SLX4IP: variants seen among roughly 807,000 people sequenced by gnomAD.
SLX4IP encodes protein SLX4IP.
A neutral mutation model predicts 32.9 loss-of-function variants in SLX4IP; 34 were observed. The ratio of observed to expected loss-of-function variants is 1.03; its 90% CI spans 0.79 to 1.38. The LOEUF (loss-of-function observed/expected upper bound fraction) is 1.38, where lower values mean the gene tolerates loss of function less well. SLX4IP is among the 40% of genes most tolerant of loss of function. SLX4IP has a pLI of 0.00. For synonymous variants in SLX4IP, 172 were observed against 171.7 expected (o/e 1.00, Z -0.01); for missense variants, 444 against 479.0 (o/e 0.93, Z 0.68).
At chr20:10,475,855 C>G (rs897125709) in intron 2 of SLX4IP, among the ~76,000 whole-genome samples, 1 of 152,218 alleles carries the variant, frequency 6.6e-6, no homozygotes, top group African/African-American at 2.4e-5. Context: ...TAGATTCCCC[C>G]AGAAGTTACA....
At chr20:10,562,344 T>A (rs1208259186) in intron 4 of SLX4IP, among the ~76,000 whole-genome samples, 1 of 152,046 alleles carries the variant, frequency 6.6e-6, no homozygotes, top group Non-Finnish European at 1.5e-5. Context: ...GGGAAGGTGG[T>A]CTTCCCCTGG....
chr20:10,493,722 A>G (rs1013620592), intron 2 of SLX4IP, among the ~76,000 whole-genome samples: 7 of 152,172 alleles, frequency 4.6e-5, no homozygotes, highest in Non-Finnish European at 1.0e-4. Flanking sequence ...AAGCCTTACT[A>G]TTAAGAGCAA....
intron 2 of SLX4IP, among the ~76,000 whole-genome samples, chr20:10,525,331 A>G (rs1393064779): frequency 1.3e-5 from 2 of 152,162 alleles, no homozygotes; most frequent in African/African-American, 4.8e-5. Context: ...TGATTTGCCA[A>G]TTTTGATGTT....
chr20:10,442,568 T>C (rs2065168340), intron 1 of SLX4IP, among the ~76,000 whole-genome samples: 1 of 152,278 alleles, frequency 6.6e-6, no homozygotes, highest in Non-Finnish European at 1.5e-5. Flanking sequence ...TTATATACTT[T>C]CAGATATTTG....
chr20:10,536,663 T>C (rs2066048170), intron 2 of SLX4IP, among the ~76,000 whole-genome samples: 1 of 152,252 alleles, frequency 6.6e-6, no homozygotes, highest in African/African-American at 2.4e-5. Context: ...GGTAAGGGGC[T>C]AATGCTACAA....
chr20:10,553,328 C>T (rs2066236398), intron 2 of SLX4IP, among the ~76,000 whole-genome samples: 1 of 152,142 alleles, frequency 6.6e-6, no homozygotes, highest in Non-Finnish European at 1.5e-5. Context: ...CCTTAATAAA[C>T]AAGGACATAC....
chr20:10,518,504 TCC>T (rs1568720373), intron 2 of SLX4IP, among the ~76,000 whole-genome samples: 3 of 92,176 alleles, frequency 3.3e-5, no homozygotes, highest in South Asian at 3.8e-4. Flanking sequence ...CTTCCTTCCT[TCC>T]TTCCTTCCTT....
intron 2 of SLX4IP, among the ~76,000 whole-genome samples, chr20:10,512,158 A>G (rs959369630): frequency 1.9e-4 from 29 of 152,336 alleles, no homozygotes; most frequent in African/African-American, 6.5e-4. Context: ...GACATAGGCA[A>G]TATGTAAACA....
chr20:10,615,839 G>A (rs1003686037), intron 6 of SLX4IP, among the ~76,000 whole-genome samples: 1 of 152,192 alleles, frequency 6.6e-6, no homozygotes, highest in Non-Finnish European at 1.5e-5. Flanking sequence ...AGGAGGAACA[G>A]TGTCCCCACA....
chr20:10,510,564 T>A (rs1408271209), intron 2 of SLX4IP, among the ~76,000 whole-genome samples: 2 of 151,800 alleles, frequency 1.3e-5, no homozygotes, highest in Non-Finnish European at 2.9e-5. Flanking sequence ...CTTAGGTGCC[T>A]TGCAAATTAT....
Position 10,482,225 on chromosome 20 carries a change from G to A in SLX4IP, c.27+23994G>A, listed in dbSNP as rs971707348. 2.0e-5 allele frequency among the ~76,000 whole-genome samples: 3 copies of A among 151,966 alleles called. No homozygotes were observed. The South Asian group carries it at 6.2e-4, about 32-fold the overall frequency. ...ATTGATTTTTTCCTGCTTTTCCTAC[G>A]GCTCTAAGTGCCTTAAGCAATTGGT... On this transcript the variant is annotated intron_variant, in intron 2 of 7. Transcript: ENST00000334534.
intron 2 of SLX4IP, among the ~76,000 whole-genome samples, chr20:10,469,307 A>G (rs2122359498): frequency 6.6e-6 from 1 of 152,104 alleles, no homozygotes; most frequent in East Asian, 1.9e-4. Context: ...AATTTGTGGT[A>G]TATTTGTTTT....
intron 1 of SLX4IP, among the ~76,000 whole-genome samples, chr20:10,450,966 A>G (rs1380075816): frequency 1.3e-5 from 2 of 151,914 alleles, no homozygotes; most frequent in Non-Finnish European, 1.5e-5. Context: ...GTTAGCCAGG[A>G]TGGTCTCGAT....
At chr20:10,579,092 A>G (rs1482146893) in intron 4 of SLX4IP, among the ~76,000 whole-genome samples, 1 of 151,992 alleles carries the variant, frequency 6.6e-6, no homozygotes, top group African/African-American at 2.4e-5. Context: ...CAATTCATCT[A>G]TGTTGTTGTT....
intron 4 of SLX4IP, among the ~76,000 whole-genome samples, chr20:10,573,048 C>G (rs1269569917): frequency 6.6e-6 from 1 of 152,206 alleles, no homozygotes; most frequent in Non-Finnish European, 1.5e-5. Flanking sequence ...TTCCCCAACA[C>G]CCGATGCATG....
In SLX4IP at chr20:10,600,450, G is replaced by C. The variant is rs185916653; in HGVS notation, c.317-1281G>C. ...TTTAGAACTGTTAACCTGCTGTTCT[G>C]AATAGGATAACTTGGAATAGGGAGA... is the stretch of plus-strand genomic sequence containing the variant. On this transcript the variant is annotated intron_variant, in intron 5 of 7. Coordinates refer to ENST00000334534, the MANE Select transcript of SLX4IP (RefSeq NM_001009608.3). Among the ~76,000 whole-genome samples, 189 of 152,298 alleles carry C rather than the reference G, an allele frequency of 1.2e-3. 1 individual carries two copies. Among genetic ancestry groups the C allele is most frequent in the African/African-American group, 4.4e-3 (181 of 41,578 alleles).
chr20:10,513,032 C>T (rs2065824276), intron 2 of SLX4IP, among the ~76,000 whole-genome samples: 1 of 151,838 alleles, frequency 6.6e-6, no homozygotes, highest in African/African-American at 2.4e-5. Context: ...AACTTTTCTG[C>T]ATCAGGTGAC....
At chr20:10,610,352 T>C (rs2066951850) in intron 6 of SLX4IP, among the ~76,000 whole-genome samples, 1 of 152,014 alleles carries the variant, frequency 6.6e-6, no homozygotes, top group Non-Finnish European at 1.5e-5. Flanking sequence ...AAAATGAGAG[T>C]ATTCACTACT....
At chr20:10,589,924 T>C (rs1194983469) in intron 4 of SLX4IP, among the ~76,000 whole-genome samples, 1 of 152,204 alleles carries the variant, frequency 6.6e-6, no homozygotes, top group African/African-American at 2.4e-5. Flanking sequence ...TATGTTACTT[T>C]TAATTAGGAA....
Sources: allele counts gnomAD v4.1 joint callset (sites outside exome capture counted in the v4.1 genomes callset), GRCh38; gene constraint gnomAD v4.1.1; transcripts MANE v1.5; gene names NCBI Gene and HGNC (gene_info 2026-07-23, HGNC 2026-07-21).